DPP10: variants seen among roughly 807,000 people sequenced by gnomAD.
DPP10 encodes the protein dipeptidyl peptidase like 10.
DPP10 carries 33 observed loss-of-function variants against 120.9 expected under a neutral mutation model. The observed-to-expected ratio is 0.27, with a 90% CI of 0.21 to 0.37. The LOEUF (loss-of-function observed/expected upper bound fraction) is 0.37, where lower values mean the gene tolerates loss of function less well. Ranked by LOEUF, DPP10 falls within the 10% of genes least tolerant of loss-of-function variation. The probability of loss-of-function intolerance (pLI) is 1.00; values close to 1 mark genes in which losing one functional copy is unlikely to be tolerated. For synonymous variants in DPP10, 337 were observed against 326.1 expected (o/e 1.03, Z -0.36); for missense variants, 816 against 942.8 (o/e 0.87, Z 1.76).
intron 3 of DPP10, among the ~76,000 whole-genome samples, chr2:115,426,797 T>C (rs1349940083): frequency 6.6e-6 from 1 of 152,220 alleles, no homozygotes; most frequent in African/African-American, 2.4e-5. Context: ...CATTGTTAAA[T>C]ACAATCATGC....
At chr2:114,911,527 G>A (rs138734575) in intron 1 of DPP10, among the ~76,000 whole-genome samples, 2 of 152,254 alleles carry the variant, frequency 1.3e-5, no homozygotes, top group East Asian at 3.9e-4. Context: ...GTATCATCAT[G>A]GAGAATAGAA....
chr2:115,709,296 G>A (rs1260775936), intron 7 of DPP10, among the ~76,000 whole-genome samples: 1 of 152,080 alleles, frequency 6.6e-6, no homozygotes, highest in Non-Finnish European at 1.5e-5. Context: ...AACTGCCAGA[G>A]AATGAGAAGA....
intron 5 of DPP10, among the ~76,000 whole-genome samples, chr2:115,677,792 G>A (rs968678702): frequency 2.0e-5 from 3 of 152,132 alleles, no homozygotes; most frequent in Non-Finnish European, 4.4e-5. Flanking sequence ...TAGAACTAAG[G>A]GGAGAGAGAG....
At chr2:115,269,001 G>C (rs923465359) in intron 1 of DPP10, among the ~76,000 whole-genome samples, 1 of 152,114 alleles carries the variant, frequency 6.6e-6, no homozygotes, top group African/African-American at 2.4e-5. Context: ...ACAAAAATTA[G>C]CTGGGCGTGG....
chr2:114,791,438 A>T (rs1683234925), intron 1 of DPP10, among the ~76,000 whole-genome samples: 1 of 152,174 alleles, frequency 6.6e-6, no homozygotes, highest in Non-Finnish European at 1.5e-5. Flanking sequence ...TGCCTGTCTC[A>T]CTCAGGAGCT....
At chr2:114,984,943 A>G (rs369406385) in intron 1 of DPP10, among the ~76,000 whole-genome samples, 42 of 152,264 alleles carry the variant, frequency 2.8e-4, no homozygotes, top group African/African-American at 9.4e-4. Flanking sequence ...GGTTGTATCC[A>G]TGACACACAG....
At chr2:115,294,025 A>G (rs1272574549) in intron 1 of DPP10, among the ~76,000 whole-genome samples, 2 of 152,168 alleles carry the variant, frequency 1.3e-5, no homozygotes, top group African/African-American at 4.8e-5. Flanking sequence ...GTTAGTGTAT[A>G]TACTTTGCCA....
At chr2:115,231,581 TTAAA>T (rs2057736754) in intron 1 of DPP10, among the ~76,000 whole-genome samples, 1 of 152,294 alleles carries the variant, frequency 6.6e-6, no homozygotes, top group Non-Finnish European at 1.5e-5. Context: ...ATAGAAAAGT[TTAAA>T]TAGATACAAG....
chr2:115,028,332 A>C (rs1247705923), intron 1 of DPP10, among the ~76,000 whole-genome samples: 2 of 151,828 alleles, frequency 1.3e-5, no homozygotes, highest in East Asian at 3.9e-4. Context: ...TATCCTTTTT[A>C]ATTTCTTTAT....
chr2:115,466,809 G>A (rs942789054), intron 3 of DPP10, among the ~76,000 whole-genome samples: 2 of 152,066 alleles, frequency 1.3e-5, no homozygotes, highest in Non-Finnish European at 2.9e-5. Context: ...GATCTCTTTA[G>A]GTTTGTTTAC....
intron 1 of DPP10, among the ~76,000 whole-genome samples, chr2:114,989,413 A>G (rs1220941716): frequency 6.6e-6 from 1 of 152,190 alleles, no homozygotes; most frequent in Non-Finnish European, 1.5e-5. Context: ...CTCCAAAAAG[A>G]GGGAAAAGGG....
intron 1 of DPP10, among the ~76,000 whole-genome samples, chr2:114,495,007 G>A (rs2104461843): frequency 6.6e-6 from 1 of 152,110 alleles, no homozygotes; most frequent in Non-Finnish European, 1.5e-5. Context: ...GTGAAATTTG[G>A]AGGTCTTTAA....
At chr2:114,813,997 G>T (rs1685412057) in intron 1 of DPP10, among the ~76,000 whole-genome samples, 1 of 149,586 alleles carries the variant, frequency 6.7e-6, no homozygotes, top group South Asian at 2.1e-4. Context: ...CCACGAGCTG[G>T]CCATTAGCTC....
At chr2:115,808,101 A>G (rs1686223646) in intron 19 of DPP10, among the ~76,000 whole-genome samples, 1 of 152,244 alleles carries the variant, frequency 6.6e-6, no homozygotes, top group South Asian at 2.1e-4. Context: ...ATAAAATTGC[A>G]AAAGTGCCAG....
chr2:114,689,145 G>C (rs760150417), intron 1 of DPP10, among the ~76,000 whole-genome samples: 3 of 151,528 alleles, frequency 2.0e-5, no homozygotes, highest in Non-Finnish European at 2.9e-5. Flanking sequence ...GTAAACATGT[G>C]CCATGGTGTC....
At chr2:115,789,995 A>T (rs1683763637) in intron 17 of DPP10, among the ~76,000 whole-genome samples, 1 of 152,220 alleles carries the variant, frequency 6.6e-6, no homozygotes, top group South Asian at 2.1e-4. Flanking sequence ...TACAATATGT[A>T]CACATGGATA....
intron 1 of DPP10, among the ~76,000 whole-genome samples, chr2:115,040,858 C>T (rs866144930): frequency 2.0e-5 from 3 of 152,092 alleles, no homozygotes; most frequent in Admixed American, 2.0e-4. Context: ...GTGTTTCACC[C>T]CTGTAATCCC....
At chr2:114,815,220 A>G (rs983649838) in intron 1 of DPP10, among the ~76,000 whole-genome samples, 16 of 152,230 alleles carry the variant, frequency 1.1e-4, no homozygotes, top group African/African-American at 3.9e-4. Context: ...TACAGGTCAG[A>G]GTCAAAAATA....
At chr2:114,663,660 T>TAGAGAGAGAGAGAGAGAGAGAGAG (rs1485631969) in intron 1 of DPP10, among the ~76,000 whole-genome samples, 3 of 91,536 alleles carry the variant, frequency 3.3e-5, no homozygotes, top group African/African-American at 2.4e-4. Flanking sequence ...TATATATATA[T>TAGAGAGAGAGAGAGAGAGAGAGAG]ATATATATAG....
Sources: gnomAD v4.1 joint callset for allele counts (sites outside exome capture counted in the v4.1 genomes callset) on GRCh38, gnomAD v4.1.1 for gene constraint, MANE v1.5 for transcripts, NCBI Gene and HGNC (gene_info 2026-07-23, HGNC 2026-07-21) for gene names.